The following LOXL2 variants were observed in gnomAD, a reference collection of about 807,000 sequenced individuals.
LOXL2 encodes lysyl oxidase like 2.
Under a neutral mutation model 93.0 loss-of-function variants are expected in LOXL2, and 70 were observed. That is an observed-to-expected ratio of 0.75 (90% CI 0.62 to 0.92). LOXL2 has a LOEUF of 0.92. Ranked by LOEUF, LOXL2 falls within the 40% of genes least tolerant of loss-of-function variation. LOXL2 has a pLI of 0.00. For missense variants in LOXL2, 973 were observed against 1,054.9 expected, an observed-to-expected ratio of 0.92 and a Z score of 1.08; for synonymous variants, 438 against 413.2, an observed-to-expected ratio of 1.06 and a Z score of -0.73.
chr8:23,350,782 A>ACC (rs59365794), intron 3 of LOXL2, among the ~76,000 whole-genome samples: 46,543 of 151,850 alleles, frequency 0.31, 9,323 homozygotes, highest in African/African-American at 0.57. Context: ...AAGCTTTGTA[A>ACC]CACTGCTGGA....
intron 1 of LOXL2, among the ~76,000 whole-genome samples, chr8:23,369,344 G>T (rs1160245316): frequency 6.6e-6 from 1 of 152,200 alleles, no homozygotes; most frequent in Non-Finnish European, 1.5e-5. Context: ...GTAATTCAGA[G>T]AAAAGAGGAG....
intron 12 of LOXL2, among the ~76,000 whole-genome samples, chr8:23,301,126 C>T (rs1024664761): frequency 3.3e-5 from 5 of 152,206 alleles, no homozygotes; most frequent in Admixed American, 3.3e-4. Flanking sequence ...GCTGAATGCC[C>T]CCTCAGGAAA....
Position 23,320,034 on chromosome 8 carries a change from G to T in LOXL2, c.1321C>A (p.Arg441Ser), listed in dbSNP as rs770555778. The T allele has an allele frequency of 1.2e-6, 2 of 1,613,962 alleles. No individual in the cohort carries two copies. Among genetic ancestry groups the T allele is most frequent in the Admixed American group, 1.7e-5 (1 of 60,018 alleles). The change falls in exon 8 of 14, where the codon CGC becomes AGC. Residue 441 changes from arginine (R) to serine (S), a missense_variant. Arg to Ser is a moderately radical substitution (Grantham distance 110, BLOSUM62 -1). Coordinates refer to ENST00000389131, the MANE Select transcript of LOXL2 (RefSeq NM_002318.3). ...TCCACTCGGCCCTCGTAGGGATTGC[G>T]GCCGCCGTTCAGGCGCAGCTGCAGA... Reference protein sequence around the residue: ...LQKKLRLNGGRNPYEGRVEVL... With the variant: ...LQKKLRLNGGSNPYEGRVEVL...
intron 8 of LOXL2, 75 bp downstream of exon 8, chr8:23,319,809 GA>G: frequency 6.7e-7 from 1 of 1,481,502 alleles, no homozygotes; most frequent in South Asian, 1.2e-5. Flanking sequence ...GTACGTGGGA[GA>G]GGGGGGCTGA....
At chr8:23,308,653 G>A (rs1229318019) in intron 10 of LOXL2, among the ~76,000 whole-genome samples, 1 of 152,200 alleles carries the variant, frequency 6.6e-6, no homozygotes, top group African/African-American at 2.4e-5. Flanking sequence ...GCAAAAAAGG[G>A]AAAACAAAGA....
chr8:23,342,901 T>C (rs116354052), intron 3 of LOXL2, among the ~76,000 whole-genome samples: 3,377 of 152,126 alleles, frequency 0.022, 108 homozygotes, highest in East Asian at 0.13. Context: ...GAGGTGTACA[T>C]CACCACGCCC....
At chr8:23,361,039 G>A (rs561206285) in intron 2 of LOXL2, among the ~76,000 whole-genome samples, 2 of 151,918 alleles carry the variant, frequency 1.3e-5, no homozygotes, top group African/African-American at 4.8e-5. Context: ...TAGCTGGGAC[G>A]ACAGGCGCAT....
At chr8:23,359,359 C>T (rs1804250132) in intron 3 of LOXL2, among the ~76,000 whole-genome samples, 1 of 152,204 alleles carries the variant, frequency 6.6e-6, no homozygotes, top group Non-Finnish European at 1.5e-5. Flanking sequence ...AACATGACTT[C>T]CATCCTGTGT....
Position 23,297,645 on chromosome 8 carries a change from G to C in LOXL2, c.*398C>G, listed in dbSNP as rs1803057567. ...GGGTTCGGCCTGACCCTCTCTGGGG[G>C]GGCTGATGAGCCCGCATTTGTCCAC... On this transcript the variant is annotated 3_prime_UTR_variant, in exon 14 of 14. Coordinates refer to ENST00000389131, the MANE Select transcript of LOXL2 (RefSeq NM_002318.3). The C allele has an allele frequency of 5.7e-6, 1 of 176,790 alleles. No individual in the cohort carries two copies. Among genetic ancestry groups the C allele is most frequent in the African/African-American group, 2.4e-5 (1 of 42,372 alleles). 11.0% of individuals were successfully genotyped at this position (176,790 alleles called of 1,614,324 possible).
intron 12 of LOXL2, among the ~76,000 whole-genome samples, chr8:23,299,842 G>A (rs560374532): frequency 8.5e-5 from 13 of 152,320 alleles, no homozygotes; most frequent in Admixed American, 2.0e-4. Flanking sequence ...TTAGCAGGCC[G>A]CTGGGCTTGC....
At chr8:23,307,231 C>T (rs1167242963) in intron 10 of LOXL2, among the ~76,000 whole-genome samples, 2 of 152,132 alleles carry the variant, frequency 1.3e-5, no homozygotes, top group African/African-American at 4.8e-5. Context: ...ATGTTTGAGG[C>T]CAGGATCCTG....
rs117630070 is a variant in LOXL2, at chr8:23,311,542, C to T, written c.1637-1631G>A. ...CTCCACTTGGGCTCTCCCGCCAGCT[C>T]GCAAGGCGAGGGATCGTTAATGTAC... On this transcript the variant is annotated intron_variant, in intron 9 of 13. Coordinates refer to ENST00000389131, the MANE Select transcript of LOXL2 (RefSeq NM_002318.3). Among the ~76,000 whole-genome samples, 867 of 152,360 alleles carry T rather than the reference C, an allele frequency of 5.7e-3. 7 individuals carry two copies. The highest frequency in any genetic ancestry group is 9.0e-3 in the Non-Finnish European group (615 of 68,038).
At chr8:23,349,637 T>G (rs1052566583) in intron 3 of LOXL2, among the ~76,000 whole-genome samples, 2 of 152,092 alleles carry the variant, frequency 1.3e-5, no homozygotes, top group African/African-American at 4.8e-5. Context: ...ATTGAGTTCT[T>G]GGCTTATACT....
chr8:23,309,320 C>A (rs1218174362), intron 10 of LOXL2, among the ~76,000 whole-genome samples: 1 of 152,226 alleles, frequency 6.6e-6, no homozygotes, highest in Non-Finnish European at 1.5e-5. Context: ...CCAGCAACTG[C>A]ACAGCCTGGA....
chr8:23,382,769 C>T (rs1358109180), intron 1 of LOXL2, among the ~76,000 whole-genome samples: 1 of 152,172 alleles, frequency 6.6e-6, no homozygotes, highest in Non-Finnish European at 1.5e-5. Context: ...GCTCCAACAT[C>T]AGTGGTCCTG....
intron 11 of LOXL2, among the ~76,000 whole-genome samples, chr8:23,302,557 C>T (rs1471097940): frequency 3.3e-5 from 5 of 152,160 alleles, no homozygotes; most frequent in African/African-American, 1.2e-4. Context: ...AGTGTAGGCC[C>T]ATGTCTCTCT....
intron 1 of LOXL2, among the ~76,000 whole-genome samples, chr8:23,399,089 T>C (rs1800127650): frequency 6.6e-6 from 1 of 152,212 alleles, no homozygotes; most frequent in Non-Finnish European, 1.5e-5. Flanking sequence ...TCTGTGAATG[T>C]CTGGTTGGCC....
At position 23,403,551 on chromosome 8, in the gene LOXL2, C is replaced by G. The variant is rs951425200; in HGVS notation, c.-84+403G>C. ...AGTCACTGTCTCCCGACCCGTCCCCCGCGTGCCCCACTCCTCAAAGCCAGA... is the reference window on the plus strand; with the variant it reads ...AGTCACTGTCTCCCGACCCGTCCCCGGCGTGCCCCACTCCTCAAAGCCAGA... On this transcript the variant is annotated intron_variant, in intron 1 of 13. Coordinates refer to ENST00000389131, the MANE Select transcript of LOXL2 (RefSeq NM_002318.3). 1.4e-4 allele frequency among the ~76,000 whole-genome samples: 21 copies of G among 152,300 alleles called. 1 individual carries two copies. Among genetic ancestry groups the G allele is most frequent in the Middle Eastern group, 3.4e-3 (1 of 294 alleles).
intron 1 of LOXL2, among the ~76,000 whole-genome samples, chr8:23,400,857 T>A (rs1451629727): frequency 6.6e-6 from 1 of 152,204 alleles, no homozygotes; most frequent in Admixed American, 6.5e-5. Flanking sequence ...TCTGAGCCCT[T>A]ACAGTTTTGC....
Sources: gnomAD v4.1 joint callset for allele counts (sites outside exome capture counted in the v4.1 genomes callset) on GRCh38, gnomAD v4.1.1 for gene constraint, MANE v1.5 for transcripts, NCBI Gene and HGNC (gene_info 2026-07-23, HGNC 2026-07-21) for gene names.